Variants in ZFHX3 observed in about 807,000 individuals in gnomAD.
ZFHX3 encodes the protein zinc finger homeobox 3.
ZFHX3 carries 42 observed loss-of-function variants against 279.1 expected under a neutral mutation model. That is an observed-to-expected ratio of 0.15 (90% CI 0.12 to 0.19). The LOEUF (loss-of-function observed/expected upper bound fraction) is 0.19, where lower values mean the gene tolerates loss of function less well. ZFHX3 is among the 10% of genes least tolerant of loss of function. The pLI is 1.00. For missense variants in ZFHX3, 4,981 were observed against 4,754.0 expected (o/e 1.05, Z -1.40); for synonymous variants, 2,293 against 1,957.8 (o/e 1.17, Z -4.52).
At chr16:73,331,121 G>A (rs563929333) in intron 3 of ZFHX3, among the ~76,000 whole-genome samples, 2 of 152,162 alleles carry the variant, frequency 1.3e-5, no homozygotes, top group Non-Finnish European at 2.9e-5. Flanking sequence ...TGGTGGAAGG[G>A]GAAGCAAACA....
At chr16:73,162,515 T>C (rs1567406636) in intron 5 of ZFHX3, among the ~76,000 whole-genome samples, 1 of 152,230 alleles carries the variant, frequency 6.6e-6, no homozygotes, top group Non-Finnish European at 1.5e-5. Context: ...TGTAATGTAA[T>C]GCATAAAATG....
Position 73,285,917 on chromosome 16 carries a change from C to G in ZFHX3, c.-1193-28781G>C, listed in dbSNP as rs375235893. On this transcript the variant is annotated intron_variant, in intron 4 of 17. Transcript: ENST00000641206. ...CCTCTCTGGCTGACTAGTGTCAAGCCTGGTGATTTATAAGATTGTTTGCAT... is the reference window on the plus strand; with the variant it reads ...CCTCTCTGGCTGACTAGTGTCAAGCGTGGTGATTTATAAGATTGTTTGCAT... Among the ~76,000 whole-genome samples the G allele has an allele frequency of 5.3e-5, 8 of 152,304 alleles. No homozygotes were observed. The East Asian group carries it at 1.5e-3, about 29-fold the overall frequency.
chr16:73,497,309 C>T (rs1041054400), intron 2 of ZFHX3, among the ~76,000 whole-genome samples: 1 of 152,152 alleles, frequency 6.6e-6, no homozygotes, highest in African/African-American at 2.4e-5. Flanking sequence ...CTGCAACCAC[C>T]AAAGATTACA....
At chr16:72,834,634 C>T (rs1296724454) in intron 4 of ZFHX3, among the ~76,000 whole-genome samples, 1 of 152,118 alleles carries the variant, frequency 6.6e-6, no homozygotes, top group Non-Finnish European at 1.5e-5. Flanking sequence ...CTGGCAGCCC[C>T]ATGGGAATTT....
At chr16:72,869,094 G>A (rs892277768) in intron 4 of ZFHX3, among the ~76,000 whole-genome samples, 2 of 152,184 alleles carry the variant, frequency 1.3e-5, no homozygotes, top group African/African-American at 4.8e-5. Context: ...TTCAGATAAG[G>A]GAGAGAAGAC....
chr16:72,795,345 T>A lies in ZFHX3; in HGVS notation c.7337A>T (p.Lys2446Met). 1 of 1,614,062 alleles carries A rather than the reference T, an allele frequency of 6.2e-7. No individual in the cohort carries two copies. Among genetic ancestry groups the A allele is most frequent in the Non-Finnish European group, 8.5e-7 (1 of 1,180,030 alleles). ...PSAQPNQTQE[K>M]QGQPKPELQQ... Reference sequence around the variant, plus strand: ...CAGCTCTGGCTTTGGTTGTCCTTGCTTTTCTTGGGTTTGGTTTGGCTGTGC... The same window carrying A: ...CAGCTCTGGCTTTGGTTGTCCTTGCATTTCTTGGGTTTGGTTTGGCTGTGC... The change falls in exon 9 of 10, where the codon AAG (lysine) becomes ATG (methionine). Residue 2446 changes from lysine (K) to methionine (M), a missense_variant. By Grantham distance (95) the Lys-to-Met change is moderately conservative. This residue lies in a region of ZFHX3 where 744 missense variants were observed against 701.3 expected (regional missense o/e 1.06). Coordinates refer to ENST00000268489, the MANE Select transcript of ZFHX3 (RefSeq NM_006885.4).
At chr16:73,290,700 T>A (rs1176528500) in intron 4 of ZFHX3, among the ~76,000 whole-genome samples, 1 of 152,220 alleles carries the variant, frequency 6.6e-6, no homozygotes, top group East Asian at 1.9e-4. Context: ...GCCTGCTCTC[T>A]TCCCTGGTGC....
intron 7 of ZFHX3, among the ~76,000 whole-genome samples, chr16:73,114,298 A>G (rs548191968): frequency 6.8e-6 from 1 of 146,152 alleles, no homozygotes; most frequent in Admixed American, 7.4e-5. Flanking sequence ...GTCTCACACT[A>G]TGGTTGAAGA....
At chr16:72,844,465 G>T (rs1265783540) in intron 4 of ZFHX3, among the ~76,000 whole-genome samples, 2 of 152,058 alleles carry the variant, frequency 1.3e-5, no homozygotes, top group African/African-American at 4.8e-5. Context: ...GAGGCAACCT[G>T]CCTCCCTCGC....
intron 3 of ZFHX3, among the ~76,000 whole-genome samples, chr16:73,414,173 CT>C (rs1440087816): frequency 1.6e-4 from 25 of 152,242 alleles, no homozygotes; most frequent in Admixed American, 9.2e-4. Context: ...AGGCATAGAC[CT>C]TCAAGTGTAG....
At chr16:73,792,080 T>C (rs1004286326) in intron 1 of ZFHX3, among the ~76,000 whole-genome samples, 11 of 152,266 alleles carry the variant, frequency 7.2e-5, no homozygotes, top group African/African-American at 2.4e-4. Context: ...TGACCTGTGC[T>C]GGCCAACTAG....
chr16:73,083,022 A>G (rs908708731), intron 8 of ZFHX3, among the ~76,000 whole-genome samples: 2 of 2,806 alleles, frequency 7.1e-4, no homozygotes, highest in African/African-American at 2.6e-3. Flanking sequence ...CATCTCTACT[A>G]AAAAAAAAAA....
At chr16:73,691,975 T>A (rs953624019) in intron 1 of ZFHX3, among the ~76,000 whole-genome samples, 1 of 152,146 alleles carries the variant, frequency 6.6e-6, no homozygotes, top group Non-Finnish European at 1.5e-5. Flanking sequence ...GTAAAAGAGA[T>A]TATCATCAAA....
chr16:73,410,793 A>G (rs539539381), intron 3 of ZFHX3, among the ~76,000 whole-genome samples: 99 of 152,282 alleles, frequency 6.5e-4, no homozygotes, highest in Non-Finnish European at 1.1e-3. Context: ...TTTACTATCT[A>G]CTAAGTATAA....
chr16:73,683,219 A>G (rs2053045370), intron 1 of ZFHX3, among the ~76,000 whole-genome samples: 1 of 152,226 alleles, frequency 6.6e-6, no homozygotes, highest in East Asian at 1.9e-4. Flanking sequence ...AACTACCACA[A>G]GTCTTGTGAA....
At chr16:72,994,004 C>G (rs1567623234) in intron 1 of ZFHX3, among the ~76,000 whole-genome samples, 1 of 152,122 alleles carries the variant, frequency 6.6e-6, no homozygotes, top group African/African-American at 2.4e-5. Context: ...AACTCCAGCC[C>G]CGACGACAGA....
intron 1 of ZFHX3, among the ~76,000 whole-genome samples, chr16:73,799,964 G>T (rs1960096161): frequency 6.6e-6 from 1 of 152,044 alleles, no homozygotes; most frequent in South Asian, 2.1e-4. Context: ...GGAGGCCGAG[G>T]AGGATCTCCC....
chr16:72,909,612 G>A (rs896437227), intron 3 of ZFHX3, among the ~76,000 whole-genome samples: 1 of 152,034 alleles, frequency 6.6e-6, no homozygotes, highest in Non-Finnish European at 1.5e-5. Flanking sequence ...CTCAGGCCGG[G>A]TGCGGTATAA....
chr16:73,749,817 C>T (rs1404690360), intron 1 of ZFHX3, among the ~76,000 whole-genome samples: 2 of 152,198 alleles, frequency 1.3e-5, no homozygotes, highest in Admixed American at 1.3e-4. Context: ...TGTCAAAGCT[C>T]CCTACTTGAA....
Sources: allele counts gnomAD v4.1 joint callset (sites outside exome capture counted in the v4.1 genomes callset), GRCh38; gene constraint gnomAD v4.1.1; regional missense constraint gnomAD v4.1.1; transcripts MANE v1.5; gene names NCBI Gene and HGNC (gene_info 2026-07-23, HGNC 2026-07-21).